Variants in SLC6A12 observed in about 807,000 individuals in gnomAD.
SLC6A12 encodes solute carrier family 6 member 12, also known as sodium- and chloride-dependent betaine transporter.
SLC6A12 carries 50 observed loss-of-function variants against 73.3 expected under a neutral mutation model. The ratio of observed to expected loss-of-function variants is 0.68; its 90% CI spans 0.54 to 0.86. The LOEUF (loss-of-function observed/expected upper bound fraction) is 0.86, where lower values mean the gene tolerates loss of function less well. Among genes scored for constraint, SLC6A12 ranks in the 40% least tolerant of loss-of-function variants. SLC6A12 has a pLI of 0.00. For synonymous variants in SLC6A12, 304 were observed against 309.2 expected (o/e 0.98, Z 0.18); for missense variants, 648 against 772.8 (o/e 0.84, Z 1.92).
At chr12:208,766 G>T (rs931309003) in intron 3 of SLC6A12, among the ~76,000 whole-genome samples, 4 of 152,124 alleles carry the variant, frequency 2.6e-5, no homozygotes, top group Admixed American at 2.0e-4. Context: ...TTCCAAAAGT[G>T]GTTGTGGTGA....
rs1339133151 is a variant in SLC6A12 at position 212,109 on chromosome 12, C to T, written c.-141G>A. On this transcript the variant is annotated splice_region_variant and 5_prime_UTR_variant, in exon 2 of 16. Transcript: ENST00000684302. ...CACCCCCTCTCTGAACTCTAAGTTT[C>T]CCTGGAAGAGAGAAAGACCACTGCT... 6.6e-6 allele frequency: 1 copy of T among 152,204 alleles called. No homozygotes were observed. Among genetic ancestry groups the T allele is most frequent in the East Asian group, 1.9e-4 (1 of 5,198 alleles). The allele number at this position is 152,204 out of a possible 1,614,324, so 9.4% of individuals were successfully genotyped here.
At chr12:201,911 G>T in intron 5 of SLC6A12, 62 bp from the exon 6 acceptor site, 1 of 1,444,558 alleles carries the variant, frequency 6.9e-7, no homozygotes, top group Non-Finnish European at 9.7e-7. Flanking sequence ...AGTCCCCCTG[G>T]CCCTCTGGCC....
Position 196,073 on chromosome 12 carries a change from C to A in SLC6A12, c.1326+51G>T, listed in dbSNP as rs368196457. 4 of 1,534,066 alleles carry A rather than the reference C, an allele frequency of 2.6e-6. No homozygotes were observed. The South Asian group carries it at 4.8e-5, about 19-fold the overall frequency. ...TCTGAGCAGGGTCAGCAGTGTCCCC[C>A]GTGGCTCCCTCCCCTGGAGCCTGGC... is the stretch of plus-strand genomic sequence containing the variant. On this transcript the variant is annotated intron_variant, in intron 12 of 15. Coordinates refer to ENST00000684302, the MANE Select transcript of SLC6A12 (RefSeq NM_001122848.3).
downstream of SLC6A12, among the ~76,000 whole-genome samples, chr12:187,452 T>G (rs539372122): frequency 8.9e-5 from 13 of 146,640 alleles, no homozygotes; most frequent in Admixed American, 2.7e-4. Flanking sequence ...GCGTCTGGAG[T>G]TTTTTTTTCC....
intron 3 of SLC6A12, among the ~76,000 whole-genome samples, chr12:207,069 AGAGGTTGTTTCTG>A (rs1158460719): frequency 6.6e-6 from 1 of 152,236 alleles, no homozygotes; most frequent in African/African-American, 2.4e-5. Context: ...GGGCAGATGA[AGAGGTTGTTTCTG>A]GAGCGCGTTA....
rs1940542000 is a variant in SLC6A12, at chr12:204,783, C to A, written c.215-85G>T. ...TTTCAGACCCTCCTCCCCCAACAAA[C>A]CCGCCCTCCACCATCCTGTTCTTAA... On this transcript the variant is annotated intron_variant, in intron 3 of 15. Transcript: ENST00000684302. The A allele has an allele frequency of 2.0e-6, 3 of 1,477,024 alleles. 1 individual carries two copies. Among genetic ancestry groups the A allele is most frequent in the Non-Finnish European group, 9.3e-7 (1 of 1,080,122 alleles). The allele number at this position is 1,477,024 out of a possible 1,614,324, so 91.5% of individuals were successfully genotyped here. A position where few individuals can be genotyped will look rare whatever the true frequency, so the allele number is the denominator to read the frequency against.
At chr12:202,984 A>C in intron 4 of SLC6A12, 104 bp from the exon 5 acceptor site, 10 of 898,578 alleles carry the variant, frequency 1.1e-5, no homozygotes, top group African/African-American at 1.7e-5. Flanking sequence ...TGGGTGCTAC[A>C]CAAAGAGCAC....
chr12:187,057 C>T (rs78840976), downstream of SLC6A12, among the ~76,000 whole-genome samples: 113 of 152,322 alleles, frequency 7.4e-4, 2 homozygotes, highest in East Asian at 0.02. Context: ...GTGAGAAAAC[C>T]AGGTGTGACA....
intron 5 of SLC6A12, 39 bp from the exon 6 acceptor site, chr12:201,888 G>A: frequency 2.6e-6 from 4 of 1,549,502 alleles, no homozygotes; most frequent in Non-Finnish European, 3.6e-6. Flanking sequence ...GGAGAGAGAT[G>A]CTCTTATACC....
intron 9 of SLC6A12, among the ~76,000 whole-genome samples, 155 bp from the exon 10 acceptor site, chr12:197,656 G>T (rs1276676156): frequency 6.6e-6 from 1 of 151,970 alleles, no homozygotes; most frequent in Non-Finnish European, 1.5e-5. Context: ...AGGAAGGGAA[G>T]AGAGCATGGG....
chr12:197,206 C>CGGTA lies in SLC6A12; in HGVS notation c.1075+170_1075+171insTACC, dbSNP rs71045048. Among the ~76,000 whole-genome samples, 5 of 42,950 alleles carry CGGTA rather than the reference C, an allele frequency of 1.2e-4. 1 individual carries two copies. The highest frequency in any genetic ancestry group is 1.1e-4 in the Non-Finnish European group (2 of 18,640). The allele number at this position is 42,950 out of a possible 152,430, so 28.2% of individuals were successfully genotyped here. On this transcript the variant is annotated intron_variant, in intron 10 of 15. Coordinates refer to ENST00000684302, the MANE Select transcript of SLC6A12 (RefSeq NM_001122848.3). ...CCATCCATCCATCCATTCATCCATC[C>CGGTA]ATGGAAGCCCTGCTTTGTGCTAAGC...
chr12:203,195 T>C (rs1940390263), intron 4 of SLC6A12: 1 of 184,140 alleles, frequency 5.4e-6, no homozygotes, highest in Non-Finnish European at 1.1e-5. Flanking sequence ...GCCTCCGGAG[T>C]AGCTGGGACC....
In SLC6A12 at chr12:190,908, CAA is replaced by C. The variant is rs1939565936; in HGVS notation, c.*158_*159del. On this transcript the variant is annotated 3_prime_UTR_variant, in exon 16 of 16. Coordinates refer to ENST00000684302, the MANE Select transcript of SLC6A12 (RefSeq NM_001122848.3). ...GGGGAAGGAGCTGCTCCAGCTAGCA[CAA>C]GAGAGGAGTCTGGCCTCCAGCTGGG... The C allele has an allele frequency of 4.1e-6, 2 of 488,600 alleles. No individual in the cohort carries two copies. Among genetic ancestry groups the C allele is most frequent in the African/African-American group, 2.0e-5 (1 of 50,204 alleles). 30.3% of individuals were successfully genotyped at this position (488,600 alleles called of 1,614,324 possible). A position where few individuals can be genotyped will look rare whatever the true frequency, so the allele number is the denominator to read the frequency against.
At chr12:209,428 T>C (rs1368910188) in intron 3 of SLC6A12, among the ~76,000 whole-genome samples, 1 of 152,032 alleles carries the variant, frequency 6.6e-6, no homozygotes, top group Non-Finnish European at 1.5e-5. Flanking sequence ...TAGCGCCGGG[T>C]CTGGCACGTG....
intron 7 of SLC6A12, among the ~76,000 whole-genome samples, chr12:200,189 A>G (rs185485003): frequency 2.2e-3 from 324 of 148,244 alleles, no homozygotes; most frequent in African/African-American, 7.3e-3. Context: ...GCTCACTGCA[A>G]GCTCCGCCTC....
At chr12:210,476 G>T in intron 2 of SLC6A12, 1 of 881,418 alleles carries the variant, frequency 1.1e-6, no homozygotes, top group Non-Finnish European at 1.4e-6. Flanking sequence ...GGCAGGTGTG[G>T]CCGAAGTGAC....
At chr12:205,886 C>G (rs543887760) in intron 3 of SLC6A12, among the ~76,000 whole-genome samples, 174 of 152,338 alleles carry the variant, frequency 1.1e-3, no homozygotes, top group Non-Finnish European at 2.1e-3. Context: ...CTCTATGTAT[C>G]TATCCTAGTG....
intron 9 of SLC6A12, 112 bp downstream of exon 9, chr12:197,788 C>T: frequency 1.3e-6 from 1 of 757,956 alleles, no homozygotes; most frequent in Non-Finnish European, 2.2e-6. Context: ...CAGTCTGATA[C>T]AACGTATAAT....
intron 6 of SLC6A12, chr12:201,525 A>C: frequency 2.0e-6 from 1 of 511,048 alleles, no homozygotes; most frequent in African/African-American, 1.9e-5. Context: ...GCATGGAGGT[A>C]GGGATGTGGG....
Sources: allele counts gnomAD v4.1 joint callset (sites outside exome capture counted in the v4.1 genomes callset), GRCh38; gene constraint gnomAD v4.1.1; transcripts MANE v1.5; gene names NCBI Gene and HGNC (gene_info 2026-07-23, HGNC 2026-07-21).